PDE4B: variants seen among roughly 807,000 people sequenced by gnomAD.
PDE4B encodes the protein 3',5'-cyclic-AMP phosphodiesterase 4B.
A neutral mutation model predicts 82.2 loss-of-function variants in PDE4B; 20 were observed. The observed-to-expected ratio is 0.24, with a 90% CI of 0.17 to 0.35. The LOEUF is 0.35. PDE4B is among the 10% of genes least tolerant of loss of function. PDE4B has a pLI of 1.00. For synonymous variants in PDE4B, 320 were observed against 318.9 expected (o/e 1.00, Z -0.04); for missense variants, 655 against 907.2 (o/e 0.72, Z 3.57).
intron 1 of PDE4B, among the ~76,000 whole-genome samples, chr1:65,859,743 C>T (rs1170805029): frequency 6.6e-6 from 1 of 152,154 alleles, no homozygotes; most frequent in Non-Finnish European, 1.5e-5. Flanking sequence ...CTTTCCACTA[C>T]CATACTCATT....
chr1:65,978,630 G>A (rs964929678), intron 3 of PDE4B, among the ~76,000 whole-genome samples: 1 of 152,128 alleles, frequency 6.6e-6, no homozygotes, highest in Non-Finnish European at 1.5e-5. Flanking sequence ...TTTGTGCTTA[G>A]TAATCTTAAT....
At chr1:66,133,869 C>G (rs565056469) in intron 3 of PDE4B, among the ~76,000 whole-genome samples, 6 of 152,130 alleles carry the variant, frequency 3.9e-5, no homozygotes, top group Non-Finnish European at 8.8e-5. Flanking sequence ...CTTTCACTCT[C>G]TATATGTCCC....
chr1:66,032,934 G>A (rs1440373063), intron 3 of PDE4B, among the ~76,000 whole-genome samples: 1 of 152,114 alleles, frequency 6.6e-6, no homozygotes, highest in Non-Finnish European at 1.5e-5. Flanking sequence ...GATTACAGGC[G>A]TGAGCCACCA....
chr1:66,038,993 G>A lies in PDE4B; in HGVS notation c.281+120158G>A, dbSNP rs909827159. On this transcript the variant is annotated intron_variant, in intron 3 of 16. Transcript: ENST00000341517. ...AATTTTCCCTATACTCTCAGGAAGA[G>A]TTTTATTGCAACTCCCCCAGAATCC... Among the ~76,000 whole-genome samples the A allele has an allele frequency of 2.0e-5, 3 of 152,068 alleles. No homozygotes were observed. The South Asian group carries it at 6.2e-4, about 32-fold the overall frequency.
intron 3 of PDE4B, among the ~76,000 whole-genome samples, chr1:66,198,311 T>C: frequency 6.6e-6 from 1 of 152,144 alleles, no homozygotes; most frequent in East Asian, 1.9e-4. Flanking sequence ...TATTCACTTA[T>C]TATGTGCACA....
chr1:66,091,916 G>T (rs1465375162), intron 3 of PDE4B, among the ~76,000 whole-genome samples: 1 of 151,884 alleles, frequency 6.6e-6, no homozygotes, highest in Non-Finnish European at 1.5e-5. Context: ...GTAATCTTTG[G>T]TGATATATCT....
chr1:66,015,704 A>T (rs998355354), intron 3 of PDE4B, among the ~76,000 whole-genome samples: 1 of 152,212 alleles, frequency 6.6e-6, no homozygotes, highest in Non-Finnish European at 1.5e-5. Flanking sequence ...ACTGAGGATA[A>T]CAGAAGTATG....
At chr1:66,090,966 C>G (rs1233546121) in intron 3 of PDE4B, among the ~76,000 whole-genome samples, 1 of 151,872 alleles carries the variant, frequency 6.6e-6, no homozygotes, top group Non-Finnish European at 1.5e-5. Context: ...TGTCACCACA[C>G]CCCTTTCCCT....
At chr1:66,053,836 G>T (rs1389842400) in intron 3 of PDE4B, among the ~76,000 whole-genome samples, 1 of 152,120 alleles carries the variant, frequency 6.6e-6, no homozygotes, top group Non-Finnish European at 1.5e-5. Flanking sequence ...TCCAGCCTGG[G>T]TGACAAGAAA....
At chr1:65,830,995 G>A (rs1646075652) in intron 1 of PDE4B, among the ~76,000 whole-genome samples, 1 of 152,026 alleles carries the variant, frequency 6.6e-6, no homozygotes, top group Non-Finnish European at 1.5e-5. Flanking sequence ...AAAGGAAAAT[G>A]CAACATATCA....
chr1:65,984,661 A>G (rs1005482435), intron 3 of PDE4B, among the ~76,000 whole-genome samples: 7 of 152,154 alleles, frequency 4.6e-5, no homozygotes, highest in African/African-American at 1.7e-4. Flanking sequence ...CGGCTGAGGC[A>G]GGATAATTGC....
chr1:66,336,095 A>C (rs117305178), intron 8 of PDE4B, among the ~76,000 whole-genome samples: 6 of 152,224 alleles, frequency 3.9e-5, no homozygotes, highest in Admixed American at 2.6e-4. Context: ...ACAACGGCAT[A>C]AACAGTGACC....
chr1:65,857,094 C>T (rs958335312), intron 1 of PDE4B, among the ~76,000 whole-genome samples: 1 of 152,170 alleles, frequency 6.6e-6, no homozygotes, highest in Non-Finnish European at 1.5e-5. Context: ...ACTGTTTTCT[C>T]TGGGATTTTT....
At chr1:66,118,464 T>C (rs1340258490) in intron 3 of PDE4B, among the ~76,000 whole-genome samples, 1 of 151,512 alleles carries the variant, frequency 6.6e-6, no homozygotes, top group Non-Finnish European at 1.5e-5. Flanking sequence ...AGCAAACTAT[T>C]GCAAGGACAA....
intron 7 of PDE4B, among the ~76,000 whole-genome samples, chr1:66,287,281 T>A (rs1454664935): frequency 6.6e-6 from 1 of 152,164 alleles, no homozygotes; most frequent in African/African-American, 2.4e-5. Flanking sequence ...TCATGAGTTT[T>A]GACATCAGAA....
At chr1:66,273,045 CT>C (rs1557672067) in intron 7 of PDE4B, among the ~76,000 whole-genome samples, 2 of 152,042 alleles carry the variant, frequency 1.3e-5, no homozygotes, top group Non-Finnish European at 2.9e-5. Flanking sequence ...CCACCTCAGC[CT>C]CCCAAAGTAG....
chr1:66,187,151 G>A (rs1647260400), intron 3 of PDE4B, among the ~76,000 whole-genome samples: 2 of 152,158 alleles, frequency 1.3e-5, no homozygotes, highest in Admixed American at 6.5e-5. Flanking sequence ...ATTTGCATAT[G>A]TTGAACCAGC....
intron 10 of PDE4B, among the ~76,000 whole-genome samples, chr1:66,362,409 G>A (rs1662852676): frequency 6.6e-6 from 1 of 151,930 alleles, no homozygotes; most frequent in Admixed American, 6.6e-5. Context: ...GGTCCTCTCA[G>A]CCTTGTGAGA....
chr1:66,251,516 C>T (rs1393849726), intron 4 of PDE4B, among the ~76,000 whole-genome samples: 1 of 152,090 alleles, frequency 6.6e-6, no homozygotes, highest in Non-Finnish European at 1.5e-5. Context: ...ACTTTGTGAA[C>T]AAATAAGACA....
Sources: allele counts gnomAD v4.1 joint callset (sites outside exome capture counted in the v4.1 genomes callset), GRCh38; gene constraint gnomAD v4.1.1; transcripts MANE v1.5; gene names NCBI Gene and HGNC (gene_info 2026-07-23, HGNC 2026-07-21).